The following C4orf50 variants were observed in gnomAD, a reference collection of about 807,000 sequenced individuals.
C4orf50 encodes the protein uncharacterized protein C4orf50.
C4orf50 carries 80 observed loss-of-function variants against 77.2 expected under a neutral mutation model. The observed-to-expected ratio is 1.04, with a 90% CI of 0.87 to 1.25. C4orf50 has a LOEUF of 1.25. Among genes scored for constraint, C4orf50 ranks in the 50% most tolerant of loss-of-function variants. C4orf50 has a pLI of 0.00. For missense variants in C4orf50, 1,257 were observed against 1,152.9 expected (o/e 1.09, Z -1.31); for synonymous variants, 532 against 465.3 (o/e 1.14, Z -1.84).
At chr4:5,978,970 G>A (rs187024318) in intron 29 of C4orf50, among the ~76,000 whole-genome samples, 173 of 152,316 alleles carry the variant, frequency 1.1e-3, no homozygotes, top group Non-Finnish European at 1.9e-3. Flanking sequence ...GAACACATGG[G>A]AGAAGAGCTG....
intron 7 of C4orf50, among the ~76,000 whole-genome samples, chr4:5,917,645 C>G (rs2108735184): frequency 6.6e-6 from 1 of 152,174 alleles, no homozygotes; most frequent in South Asian, 2.1e-4. Flanking sequence ...ATCTCTTGAC[C>G]TCGTGATCCG....
chr4:5,989,025 A>T, exon 28 of C4orf50: 1 of 1,535,762 alleles, frequency 6.5e-7, no homozygotes, highest in Non-Finnish European at 8.7e-7. Flanking sequence ...AACTCTTCCC[A>T]TTGCAGTCTT....
chr4:5,994,420 C>T (rs1721463369), exon 26 of C4orf50: 4 of 399,112 alleles, frequency 1.0e-5, no homozygotes, highest in African/African-American at 4.1e-5. Context: ...TGCAGGGGTC[C>T]AGGGCCTCCT....
In C4orf50 at chr4:5,958,422, C is replaced by T. The variant is rs1275892573; in HGVS notation, c.*953G>A. On this transcript the variant is annotated 3_prime_UTR_variant, in exon 34 of 34. Coordinates refer to ENST00000531445, the Ensembl canonical transcript of C4orf50. The surrounding 1 kb of genome is among the most constrained non-coding windows in gnomAD (Gnocchi z 5.4). ...AGTTTTATGCCTCAGGGCCTTTGCACATGCGTTCCCTCGTACAGCAGCACC... is the reference window on the plus strand; with the variant it reads ...AGTTTTATGCCTCAGGGCCTTTGCATATGCGTTCCCTCGTACAGCAGCACC... The T allele has an allele frequency of 6.6e-6, 1 of 152,226 alleles. No individual in the cohort carries two copies. Among genetic ancestry groups the T allele is most frequent in the Non-Finnish European group, 1.5e-5 (1 of 68,076 alleles). 9.4% of individuals were successfully genotyped at this position (152,226 alleles called of 1,614,324 possible). A position where few individuals can be genotyped will look rare whatever the true frequency, so the allele number is the denominator to read the frequency against.
At chr4:5,914,472 G>A (rs894581920) in intron 7 of C4orf50, among the ~76,000 whole-genome samples, 1 of 152,052 alleles carries the variant, frequency 6.6e-6, no homozygotes, top group African/African-American at 2.4e-5. Context: ...CCAAAGTGCT[G>A]GGATTACAGG....
At chr4:5,952,720 G>C (rs1487276436), downstream of C4orf50, among the ~76,000 whole-genome samples, 3 of 152,174 alleles carry the variant, frequency 2.0e-5, no homozygotes, top group Non-Finnish European at 4.4e-5. The surrounding 1 kb of genome is among the most constrained non-coding windows in gnomAD (Gnocchi z 4.4). Context: ...TTTTCTGGAT[G>C]TCTCTACTTA....
chr4:6,000,548 TCCAGC>T lies in C4orf50; in HGVS notation c.964-6077_964-6073del, dbSNP rs1560595688. 1.3e-5 allele frequency among the ~76,000 whole-genome samples: 2 copies of T among 152,064 alleles called. No homozygotes were observed. The highest frequency in any genetic ancestry group is 4.8e-5 in the African/African-American group (2 of 41,398). ...GCCTTGTCACATGCTGCAGCCTGGG[TCCAGC>T]CCCCACTGCAACACCAGGGTCCTCC... On this transcript the variant is annotated intron_variant, in intron 25 of 33. Coordinates refer to ENST00000531445, the Ensembl canonical transcript of C4orf50. This position sits in a 1 kb window ranked among gnomAD's most constrained non-coding sequence, Gnocchi z 6.0.
rs557272591 is a variant in C4orf50 at position 5,945,310 on chromosome 4, GTACCCACAT to G, written c.*2474+11582_*2474+11590del. Among the ~76,000 whole-genome samples, 9 of 152,318 alleles carry G rather than the reference GTACCCACAT, an allele frequency of 5.9e-5. No individual in the cohort carries two copies. In the South Asian group the frequency reaches 1.9e-3, roughly 32 times the overall value. ...ACAGGGCTATTCACGATTCAGCTTG[GTACCCACAT>G]TCCCGGGGGACCCCACAGCTGCTAG... On this transcript the variant is annotated intron_variant, in intron 7 of 7. Transcript: ENST00000324058.
At chr4:5,943,421 C>G (rs1478754716) in intron 7 of C4orf50, among the ~76,000 whole-genome samples, 2 of 152,166 alleles carry the variant, frequency 1.3e-5, no homozygotes, top group Non-Finnish European at 2.9e-5. Context: ...GTCCAAGCAC[C>G]AGGGGTGAAC....
exon 28 of C4orf50, chr4:5,989,993 C>T: frequency 1.4e-6 from 2 of 1,405,630 alleles, no homozygotes; most frequent in Non-Finnish European, 9.2e-7. Context: ...AGCTGACTGT[C>T]TGTTGGCCAT....
chr4:5,954,963 C>T (rs879467862), downstream of C4orf50, among the ~76,000 whole-genome samples: 1 of 152,030 alleles, frequency 6.6e-6, no homozygotes, highest in Non-Finnish European at 1.5e-5. The surrounding 1 kb of genome is among the most constrained non-coding windows in gnomAD (Gnocchi z 4.7). Context: ...TCGTTACAAC[C>T]CCTGCAGACC....
At chr4:5,987,135 G>C (rs376656181) in intron 28 of C4orf50, among the ~76,000 whole-genome samples, 6 of 152,042 alleles carry the variant, frequency 3.9e-5, no homozygotes, top group African/African-American at 1.2e-4. Context: ...ATAAGGCCTC[G>C]TACGGTGGCG....
At position 6,008,585 on chromosome 4, in the gene C4orf50, G is replaced by A; in HGVS notation, c.427-53C>T. The stretch of plus-strand genomic sequence containing the variant: ...CAGCAAGCCCAAAGGACACACCATG[G>A]TTCACATTGGTCCTGTCTTGACTTA... On this transcript the variant is annotated intron_variant, in intron 24 of 33. Coordinates refer to ENST00000531445, the Ensembl canonical transcript of C4orf50. This position sits in a 1 kb window ranked among gnomAD's most constrained non-coding sequence, Gnocchi z 6.0. 3 of 396,780 alleles carry A rather than the reference G, an allele frequency of 7.6e-6. No homozygotes were observed. In the East Asian group the frequency reaches 1.1e-4, roughly 14 times the overall value. The allele number at this position is 396,780 out of a possible 1,614,324, so 24.6% of individuals were successfully genotyped here. A position where few individuals can be genotyped will look rare whatever the true frequency, so the allele number is the denominator to read the frequency against.
At chr4:5,910,898 CCTTT>C (rs1216574114) in intron 7 of C4orf50, among the ~76,000 whole-genome samples, 8 of 131,666 alleles carry the variant, frequency 6.1e-5, no homozygotes, top group Admixed American at 1.8e-4. Flanking sequence ...GGGTTTCTTC[CCTTT>C]CTTTCTTTTT....
In C4orf50 at chr4:5,950,368, AAAT is replaced by A. The variant is rs529141359; in HGVS notation, c.*2474+6530_*2474+6532del. Among the ~76,000 whole-genome samples, 327 of 152,316 alleles carry A rather than the reference AAAT, an allele frequency of 2.1e-3. 2 individuals carry two copies. Among genetic ancestry groups the A allele is most frequent in the Middle Eastern group, 3.4e-3 (1 of 294 alleles). ...TGATATGATATCTAGCTTTACTCTG[AAAT>A]AATATGAGTGGAGAGAAGGGGGTGG... On this transcript the variant is annotated intron_variant, in intron 7 of 7. Coordinates refer to the C4orf50 transcript ENST00000324058.
At chr4:5,962,137 C>A (rs766231668) in intron 33 of C4orf50, among the ~76,000 whole-genome samples, 1 of 152,196 alleles carries the variant, frequency 6.6e-6, no homozygotes, top group Non-Finnish European at 1.5e-5. Context: ...AGAGAAACAG[C>A]CTGATGGCCC....
chr4:5,989,192 C>G, exon 28 of C4orf50: 1 of 1,536,098 alleles, frequency 6.5e-7, no homozygotes, highest in South Asian at 1.2e-5. Flanking sequence ...TGGAACCTCT[C>G]TTGGTCTCCG....
intron 29 of C4orf50, among the ~76,000 whole-genome samples, chr4:5,976,272 C>T (rs1470996156): frequency 6.6e-6 from 1 of 151,308 alleles, no homozygotes; most frequent in Non-Finnish European, 1.5e-5. Flanking sequence ...AGTGAAACCC[C>T]ATCTCTACTA....
chr4:5,994,015 C>T (rs531600109), intron 26 of C4orf50, among the ~76,000 whole-genome samples: 4 of 152,206 alleles, frequency 2.6e-5, no homozygotes, highest in Non-Finnish European at 4.4e-5. Flanking sequence ...GGCCATCATA[C>T]GGACTTCTGT....
Sources: gnomAD v4.1 joint callset for allele counts (sites outside exome capture counted in the v4.1 genomes callset) on GRCh38, gnomAD v4.1.1 for gene constraint, Gnocchi (gnomAD v3.1) non-coding constraint, MANE v1.5 for transcripts, NCBI Gene and HGNC (gene_info 2026-07-23, HGNC 2026-07-21) for gene names.